Variants in TMTC2 observed in about 807,000 individuals in gnomAD.
The protein encoded by TMTC2 is protein O-mannosyl-transferase TMTC2.
A neutral mutation model predicts 82.4 loss-of-function variants in TMTC2; 43 were observed. The ratio of observed to expected loss-of-function variants is 0.52; its 90% CI spans 0.41 to 0.67. The LOEUF (loss-of-function observed/expected upper bound fraction) is 0.67. Ranked by LOEUF, TMTC2 falls within the 30% of genes least tolerant of loss-of-function variation. The pLI, the probability that TMTC2 is intolerant of heterozygous loss-of-function variation, is 0.00. For missense variants in TMTC2, 919 were observed against 1,012.4 expected (o/e 0.91, Z 1.25); for synonymous variants, 408 against 381.9 (o/e 1.07, Z -0.80).
intron 2 of TMTC2, among the ~76,000 whole-genome samples, chr12:82,875,855 AG>A (rs1259544807): frequency 6.7e-6 from 1 of 149,538 alleles, no homozygotes; most frequent in Non-Finnish European, 1.5e-5. Flanking sequence ...CATTGCTCTT[AG>A]TATAAAAGTT....
intron 9 of TMTC2, among the ~76,000 whole-genome samples, chr12:83,050,328 T>C (rs941693459): frequency 1.3e-5 from 2 of 151,968 alleles, no homozygotes; most frequent in African/African-American, 4.8e-5. Flanking sequence ...GATAGCATTA[T>C]ATAATAATTT....
intron 11 of TMTC2, among the ~76,000 whole-genome samples, chr12:83,073,974 C>T (rs1346314506): frequency 6.6e-6 from 1 of 152,138 alleles, no homozygotes; most frequent in African/African-American, 2.4e-5. Context: ...GATTCTTTTT[C>T]AGGTAAATCA....
chr12:82,805,975 C>T (rs566279711), intron 1 of TMTC2, among the ~76,000 whole-genome samples: 2 of 152,138 alleles, frequency 1.3e-5, no homozygotes, highest in East Asian at 3.9e-4. Context: ...AGCTTTTATC[C>T]TTGATGATGC....
At chr12:83,033,149 A>T (rs942706065) in intron 9 of TMTC2, among the ~76,000 whole-genome samples, 24 of 152,192 alleles carry the variant, frequency 1.6e-4, no homozygotes, top group Admixed American at 6.5e-4. Flanking sequence ...AAAAAGGAGT[A>T]GTAGTTAGGG....
At chr12:82,752,350 G>A (rs1004369776) in intron 1 of TMTC2, among the ~76,000 whole-genome samples, 1 of 151,970 alleles carries the variant, frequency 6.6e-6, no homozygotes, top group Non-Finnish European at 1.5e-5. Flanking sequence ...GCCAGGTCTG[G>A]TGGCTGGCGC....
chr12:82,759,068 C>G (rs533395461), intron 1 of TMTC2: 5 of 152,262 alleles, frequency 3.3e-5, no homozygotes, highest in Admixed American at 2.6e-4. Flanking sequence ...TGCCTCACGG[C>G]TGTCTGCCAA....
chr12:83,081,524 A>G (rs1883467575), intron 11 of TMTC2, among the ~76,000 whole-genome samples: 1 of 152,164 alleles, frequency 6.6e-6, no homozygotes. Context: ...AATGATCTGG[A>G]TGCATCACAT....
chr12:82,965,158 A>T, intron 5 of TMTC2, 49 bp downstream of exon 5: 1 of 1,348,348 alleles, frequency 7.4e-7, no homozygotes, highest in Non-Finnish European at 1.1e-6. Flanking sequence ...TCCATATTTG[A>T]AAATTAACTC....
intron 1 of TMTC2, among the ~76,000 whole-genome samples, chr12:82,803,312 C>G (rs1346735213): frequency 6.6e-6 from 1 of 152,058 alleles, no homozygotes; most frequent in African/African-American, 2.4e-5. Flanking sequence ...AGGAGCTGGG[C>G]TAGAGGAGGC....
chr12:82,926,830 C>A (rs149909608), intron 3 of TMTC2, among the ~76,000 whole-genome samples: 7 of 152,212 alleles, frequency 4.6e-5, no homozygotes, highest in South Asian at 4.1e-4. Context: ...ACTGGATTTC[C>A]GAGATGACAA....
At chr12:82,901,605 A>T (rs1874025253) in intron 3 of TMTC2, among the ~76,000 whole-genome samples, 1 of 151,048 alleles carries the variant, frequency 6.6e-6, no homozygotes, top group East Asian at 1.9e-4. Flanking sequence ...TTAGTAAAAG[A>T]CTCTCACCTC....
At chr12:82,948,505 T>A (rs1015525520) in intron 4 of TMTC2, among the ~76,000 whole-genome samples, 1 of 152,226 alleles carries the variant, frequency 6.6e-6, no homozygotes, top group African/African-American at 2.4e-5. Context: ...AGCTTCAGAC[T>A]TTCATTTTTG....
In TMTC2 at chr12:82,798,473, C is replaced by T. The variant is rs374459142; in HGVS notation, c.84-58537C>T. Among the ~76,000 whole-genome samples the T allele has an allele frequency of 4.7e-4, 57 of 120,716 alleles. No individual in the cohort carries two copies. The East Asian group carries it at 7.7e-3, about 16-fold the overall frequency. The allele number at this position is 120,716 out of a possible 152,430, so 79.2% of individuals were successfully genotyped here. On this transcript the variant is annotated intron_variant, in intron 1 of 11. Coordinates refer to ENST00000321196, the MANE Select transcript of TMTC2 (RefSeq NM_152588.3). ...GATGGTGCCACTGCACTCCGGCCTG[C>T]GCGACAGAGGGAGACTCGTCTCAAA...
At position 82,865,321 on chromosome 12, in the gene TMTC2, C is replaced by G. The variant is rs145022752; in HGVS notation, c.654+7741C>G. ...GAATAAAGGGATGGAGGAAGATCTA[C>G]CAAGCAAATGGAAAACAAAAAATGA... On this transcript the variant is annotated intron_variant, in intron 2 of 11. Coordinates refer to ENST00000321196, the MANE Select transcript of TMTC2 (RefSeq NM_152588.3). 8.2e-3 allele frequency among the ~76,000 whole-genome samples: 1,252 copies of G among 152,122 alleles called. 9 individuals are homozygous for G. Among genetic ancestry groups the G allele is most frequent in the South Asian group, 0.023 (113 of 4,814 alleles).
intron 11 of TMTC2, among the ~76,000 whole-genome samples, chr12:83,124,120 A>T (rs1013243059): frequency 6.6e-6 from 1 of 152,208 alleles, no homozygotes; most frequent in African/African-American, 2.4e-5. Context: ...ATGAAGTTAC[A>T]CCTAATAGGT....
intron 8 of TMTC2, among the ~76,000 whole-genome samples, chr12:83,027,972 ATCTTTGCATAT>A (rs1881251838): frequency 6.6e-6 from 1 of 152,096 alleles, no homozygotes; most frequent in Non-Finnish European, 1.5e-5. Flanking sequence ...TCTTTTTTAA[ATCTTTGCATAT>A]GACATTTGTA....
intron 1 of TMTC2, among the ~76,000 whole-genome samples, chr12:82,756,452 G>C (rs1006706411): frequency 6.6e-6 from 1 of 152,160 alleles, no homozygotes; most frequent in Non-Finnish European, 1.5e-5. Context: ...GTAAAGCTGC[G>C]TGAGGGTTTT....
chr12:83,059,950 G>A (rs376939345), intron 10 of TMTC2, among the ~76,000 whole-genome samples: 1 of 151,468 alleles, frequency 6.6e-6, no homozygotes. Flanking sequence ...TATTTTCCTC[G>A]GGAGAAAACC....
chr12:82,785,512 C>A (rs890379310), intron 1 of TMTC2, among the ~76,000 whole-genome samples: 4 of 151,946 alleles, frequency 2.6e-5, no homozygotes, highest in African/African-American at 9.7e-5. Context: ...GGCAGTAAAG[C>A]TCTTTGTTTT....
Sources: allele counts gnomAD v4.1 joint callset (sites outside exome capture counted in the v4.1 genomes callset), GRCh38; gene constraint gnomAD v4.1.1; transcripts MANE v1.5; gene names NCBI Gene and HGNC (gene_info 2026-07-23, HGNC 2026-07-21).